SLC1A1: variants seen among roughly 807,000 people sequenced by gnomAD.
SLC1A1 encodes solute carrier family 1 member 1.
In SLC1A1, 43 loss-of-function variants were observed where a neutral mutation model predicts 53.3. The ratio of observed to expected loss-of-function variants is 0.81; its 90% confidence interval spans 0.63 to 1.04. The LOEUF (loss-of-function observed/expected upper bound fraction) is 1.04. Among genes scored for constraint, SLC1A1 ranks in the 50% least tolerant of loss-of-function variants. The pLI is 0.00. For synonymous variants in SLC1A1, 307 were observed against 243.2 expected (o/e 1.26, Z -2.44); for missense variants, 748 against 664.9 (o/e 1.12, Z -1.37).
intron 6 of SLC1A1, among the ~76,000 whole-genome samples, chr9:4,568,312 G>A (rs371558669): frequency 5.0e-4 from 76 of 152,090 alleles, no homozygotes; most frequent in African/African-American, 1.7e-3. Context: ...CAGCTACTCG[G>A]GAGGCTGAAG....
intron 1 of SLC1A1, among the ~76,000 whole-genome samples, chr9:4,493,678 G>A (rs1412055193): frequency 6.6e-6 from 1 of 152,186 alleles, no homozygotes; most frequent in Non-Finnish European, 1.5e-5. Context: ...CAAGGTAGGA[G>A]GAATGAGTGA....
chr9:4,518,717 A>T (rs1358319525), intron 1 of SLC1A1, among the ~76,000 whole-genome samples: 1 of 152,120 alleles, frequency 6.6e-6, no homozygotes, highest in Non-Finnish European at 1.5e-5. Flanking sequence ...AGAGTGAAAA[A>T]TATCAGGTCA....
chr9:4,542,444 G>A (rs1817100090), intron 1 of SLC1A1, among the ~76,000 whole-genome samples: 2 of 152,142 alleles, frequency 1.3e-5, no homozygotes, highest in Non-Finnish European at 2.9e-5. Context: ...TTAGCATAGA[G>A]ATAATTAGAG....
intron 3 of SLC1A1, among the ~76,000 whole-genome samples, chr9:4,563,646 C>G (rs1462958727): frequency 6.6e-6 from 1 of 152,210 alleles, no homozygotes; most frequent in Non-Finnish European, 1.5e-5. Context: ...ATGTCTTGGT[C>G]TCTTCTACAG....
intron 10 of SLC1A1, among the ~76,000 whole-genome samples, chr9:4,582,768 A>G (rs542037213): frequency 6.6e-6 from 1 of 152,160 alleles, no homozygotes; most frequent in Non-Finnish European, 1.5e-5. Context: ...TTTTGGTGCC[A>G]CTTATGCAGT....
At chr9:4,548,530 C>CA (rs1817670117) in intron 2 of SLC1A1, among the ~76,000 whole-genome samples, 1 of 152,100 alleles carries the variant, frequency 6.6e-6, no homozygotes, top group Non-Finnish European at 1.5e-5. Flanking sequence ...ATTCTGCCAT[C>CA]AAAGCCTCTG....
At chr9:4,496,775 T>C (rs1820439356) in intron 1 of SLC1A1, among the ~76,000 whole-genome samples, 2 of 152,026 alleles carry the variant, frequency 1.3e-5, no homozygotes, top group Admixed American at 6.6e-5. Flanking sequence ...TGCGTGCCTG[T>C]GGCCCCAACT....
At chr9:4,550,555 G>A (rs1817841699) in intron 2 of SLC1A1, among the ~76,000 whole-genome samples, 1 of 152,168 alleles carries the variant, frequency 6.6e-6, no homozygotes, top group South Asian at 2.1e-4. Flanking sequence ...CACCATGCCT[G>A]GCTAATTCTT....
At chr9:4,525,970 C>T (rs1368193848) in intron 1 of SLC1A1, among the ~76,000 whole-genome samples, 2 of 152,070 alleles carry the variant, frequency 1.3e-5, no homozygotes, top group Admixed American at 6.5e-5. Context: ...AGGACATCAA[C>T]ACAGAATTTA....
intron 2 of SLC1A1, among the ~76,000 whole-genome samples, chr9:4,561,235 C>T (rs543418845): frequency 1.3e-5 from 2 of 152,270 alleles, no homozygotes; most frequent in South Asian, 4.1e-4. Flanking sequence ...CTGTGGGAAG[C>T]TGCCTGCAGG....
At chr9:4,521,379 G>A (rs896800921) in intron 1 of SLC1A1, among the ~76,000 whole-genome samples, 1 of 152,134 alleles carries the variant, frequency 6.6e-6, no homozygotes, top group Non-Finnish European at 1.5e-5. Flanking sequence ...ACTTTGTTTG[G>A]AGAGGGTTTT....
intron 2 of SLC1A1, among the ~76,000 whole-genome samples, chr9:4,557,598 C>A (rs1331440299): frequency 6.6e-6 from 1 of 150,424 alleles, no homozygotes; most frequent in Admixed American, 6.7e-5. Context: ...CCAGCCTGGG[C>A]AACATAGTGA....
chr9:4,572,697 A>C (rs1326245095), intron 7 of SLC1A1, among the ~76,000 whole-genome samples: 2 of 152,090 alleles, frequency 1.3e-5, no homozygotes, highest in Non-Finnish European at 1.5e-5. Flanking sequence ...ATAGGCATGT[A>C]CCACCATGCC....
intron 1 of SLC1A1, among the ~76,000 whole-genome samples, chr9:4,496,728 T>A (rs1396110467): frequency 1.3e-5 from 2 of 151,988 alleles, no homozygotes; most frequent in South Asian, 4.1e-4. Flanking sequence ...GACCCCTGTC[T>A]CTGCAAAATA....
Position 4,561,478 on chromosome 9 carries a change from G to A in SLC1A1, c.262G>A (p.Gly88Arg), listed in dbSNP as rs144425673. 127 of 1,609,758 alleles carry A rather than the reference G, an allele frequency of 7.9e-5. 1 individual carries two copies. The South Asian group carries it at 1.0e-3, about 13-fold the overall frequency. ...TGCTGCACTGGATTCCAACGTATCC[G>A]GAAAAATTGGTCTGCGCGCTGTCGT... ...GVAALDSNVS[G>R]KIGLRAVVYY... is the part of the protein sequence containing the mutation. Residue 88 changes from glycine to arginine, a missense_variant, in exon 3 of 12, where the codon GGA becomes AGA. Gly to Arg is a moderately radical substitution (Grantham distance 125, BLOSUM62 -2). Transcript: ENST00000262352.
chr9:4,562,426 T>C (rs1819045272), intron 3 of SLC1A1, among the ~76,000 whole-genome samples: 1 of 152,178 alleles, frequency 6.6e-6, no homozygotes, highest in African/African-American at 2.4e-5. Context: ...GAGTTGAGTA[T>C]AATTATAAAA....
At chr9:4,527,628 A>G (rs1315488689) in intron 1 of SLC1A1, among the ~76,000 whole-genome samples, 1 of 152,148 alleles carries the variant, frequency 6.6e-6, no homozygotes, top group African/African-American at 2.4e-5. Flanking sequence ...TTTAGATAAA[A>G]TTTCCACAAA....
At chr9:4,500,391 T>C (rs1163041262) in intron 1 of SLC1A1, among the ~76,000 whole-genome samples, 3 of 152,142 alleles carry the variant, frequency 2.0e-5, no homozygotes, top group Non-Finnish European at 4.4e-5. Context: ...TACTGCAACC[T>C]CCACCTCCCA....
rs115511839 is a variant in SLC1A1, at chr9:4,553,204, A to G, written c.233-8245A>G. Reference sequence around the variant, plus strand: ...GAGTTCCTCAGATTCTTTGGGGTATATTTAATGCTTTTACTGGACAATAAG... The same window carrying G: ...GAGTTCCTCAGATTCTTTGGGGTATGTTTAATGCTTTTACTGGACAATAAG... On this transcript the variant is annotated intron_variant, in intron 2 of 11. Transcript: ENST00000262352. 4.9e-3 allele frequency among the ~76,000 whole-genome samples: 751 copies of G among 152,160 alleles called. 6 individuals carry two copies. Among genetic ancestry groups the G allele is most frequent in the African/African-American group, 0.017 (720 of 41,486 alleles).
Sources: allele counts gnomAD v4.1 joint callset (sites outside exome capture counted in the v4.1 genomes callset), GRCh38; gene constraint gnomAD v4.1.1; transcripts MANE v1.5; gene names NCBI Gene and HGNC (gene_info 2026-07-23, HGNC 2026-07-21).